Variants in NLGN4X observed in about 807,000 individuals in gnomAD.
The protein encoded by NLGN4X is neuroligin 4 X-linked.
Under a neutral mutation model 40.3 loss-of-function variants are expected in NLGN4X, and 3 were observed. That is an observed-to-expected ratio of 0.07 (90% CI 0.03 to 0.19). The LOEUF is 0.19. Ranked by LOEUF, NLGN4X falls within the 10% of genes least tolerant of loss-of-function variation. The probability of loss-of-function intolerance (pLI) is 1.00; values close to 1 mark genes in which losing one functional copy is unlikely to be tolerated. For missense variants in NLGN4X, 382 were observed against 708.3 expected, an observed-to-expected ratio of 0.54 and a Z score of 5.23; for synonymous variants, 270 against 306.8, an observed-to-expected ratio of 0.88 and a Z score of 1.25.
intron 1 of NLGN4X, among the ~76,000 whole-genome samples, chrX:6,192,157 G>T (rs1177714762): frequency 9.0e-6 from 1 of 110,855 alleles, no homozygotes. Flanking sequence ...TTGAGACAGG[G>T]TCTTGCTCGT....
chrX:6,213,182 G>A (rs1167473438), intron 1 of NLGN4X, among the ~76,000 whole-genome samples: 2 of 110,740 alleles, frequency 1.8e-5, no homozygotes, highest in Non-Finnish European at 3.8e-5. Flanking sequence ...CTGGACAGTA[G>A]TCACCGTTGC....
At chrX:6,063,571 T>C (rs984922791) in intron 2 of NLGN4X, among the ~76,000 whole-genome samples, 2 of 112,139 alleles carry the variant, frequency 1.8e-5, no homozygotes, top group Admixed American at 1.9e-4. Context: ...TTTTATTTAT[T>C]TTGTACATGG....
rs186780488 is a variant in NLGN4X at position 6,075,799 on chromosome X, C to A, written c.473-46367G>T. ...GAGTGGAAGCTTCCTGACACCCTCA[C>A]CAGAAGCAGATCCTGATGCCGTGAT... is the stretch of plus-strand genomic sequence containing the variant. On this transcript the variant is annotated intron_variant, in intron 2 of 5. Coordinates refer to ENST00000381095, the MANE Select transcript of NLGN4X (RefSeq NM_181332.3). 8.5e-4 allele frequency among the ~76,000 whole-genome samples: 95 copies of A among 111,732 alleles called. 2 individuals are homozygous for A. In the East Asian group the frequency reaches 0.021, roughly 25 times the overall value.
At position 5,890,944 on chromosome X, in the gene NLGN4X, A is replaced by G. The variant is rs962379980; in HGVS notation, c.*1873T>C. The G allele has an allele frequency of 3.2e-6, 1 of 314,264 alleles. No individual in the cohort carries two copies. Among genetic ancestry groups the G allele is most frequent in the African/African-American group, 2.7e-5 (1 of 37,023 alleles). 25.9% of individuals were successfully genotyped at this position (314,264 alleles called of 1,213,427 possible). ...TTGCAAAAGAGCCAGGCAGCTGGAC[A>G]ATTTTTATGGGGAATGTCCACTTTA... On this transcript the variant is annotated 3_prime_UTR_variant, in exon 6 of 6. Coordinates refer to ENST00000381095, the MANE Select transcript of NLGN4X (RefSeq NM_181332.3).
At chrX:6,105,158 T>A (rs1456433338) in intron 2 of NLGN4X, among the ~76,000 whole-genome samples, 5 of 109,498 alleles carry the variant, frequency 4.6e-5, no homozygotes, top group African/African-American at 6.7e-5. Flanking sequence ...CCTTTCAGGG[T>A]CAAGCCATTC....
intron 3 of NLGN4X, among the ~76,000 whole-genome samples, chrX:5,942,566 A>G (rs1241226720): frequency 9.0e-6 from 1 of 110,649 alleles, no homozygotes; most frequent in Non-Finnish European, 1.9e-5. Flanking sequence ...CTGTAGTCTC[A>G]GCTACTCGGG....
chrX:6,154,514 A>G (rs948830377), intron 1 of NLGN4X, among the ~76,000 whole-genome samples: 1 of 111,063 alleles, frequency 9.0e-6, no homozygotes, highest in Non-Finnish European at 1.9e-5. Flanking sequence ...TTGTGGGGAA[A>G]AAAAAAAACA....
chrX:6,175,655 G>GAAAAAA (rs3045369), intron 1 of NLGN4X, among the ~76,000 whole-genome samples: 10,445 of 60,704 alleles, frequency 0.17, 1,275 homozygotes, highest in Non-Finnish European at 0.19. Context: ...ATCTATTACA[G>GAAAAAA]AAAAAAAAAA....
intron 1 of NLGN4X, among the ~76,000 whole-genome samples, chrX:6,221,903 G>A (rs945250158): frequency 5.4e-5 from 6 of 111,167 alleles, no homozygotes; most frequent in African/African-American, 2.0e-4. Flanking sequence ...ATGGAAAATG[G>A]CACCGCATGC....
intron 3 of NLGN4X, among the ~76,000 whole-genome samples, chrX:5,965,035 G>A (rs779718978): frequency 4.5e-5 from 5 of 111,750 alleles, no homozygotes; most frequent in Admixed American, 1.9e-4. Flanking sequence ...GAAATGATAC[G>A]CAACTGTCTT....
In NLGN4X at chrX:6,077,267, ATT is replaced by A. The variant is rs201749652; in HGVS notation, c.473-47837_473-47836del. 2.1e-3 allele frequency among the ~76,000 whole-genome samples: 169 copies of A among 82,357 alleles called. 1 individual carries two copies. Among genetic ancestry groups the A allele is most frequent in the Non-Finnish European group, 2.4e-3 (89 of 36,659 alleles). 71.5% of individuals were successfully genotyped at this position (82,357 alleles called of 115,157 possible). A position where few individuals can be genotyped will look rare whatever the true frequency, so the allele number is the denominator to read the frequency against. ...CAATGTTATTACATTCCAAAATTTT[ATT>A]TTGTGTGTGTGTGTGTGTGTGTGTG... is the stretch of plus-strand genomic sequence containing the variant. On this transcript the variant is annotated intron_variant, in intron 2 of 5. Coordinates refer to ENST00000381095, the MANE Select transcript of NLGN4X (RefSeq NM_181332.3).
At chrX:6,008,492 C>T (rs1340327293) in intron 3 of NLGN4X, among the ~76,000 whole-genome samples, 6 of 111,523 alleles carry the variant, frequency 5.4e-5, no homozygotes, top group African/African-American at 2.0e-4. Flanking sequence ...TATGATTTCA[C>T]TTATATGAAA....
rs768113452 is a variant in NLGN4X, at chrX:5,893,276, G to A, written c.1992C>T (p.Leu664=). The A allele has an allele frequency of 2.1e-5, 25 of 1,208,729 alleles. No individual in the cohort carries two copies. The highest frequency in any genetic ancestry group is 6.7e-6 in the Non-Finnish European group (6 of 894,983). The stretch of plus-strand genomic sequence containing the variant: ...TGGAATAATCTCGTTTGGTTTCAAT[G>A]AGGACAGTTGTGTCCTCAGGCCCTG... The part of the protein sequence containing the change: ...HKTGPEDTTV[L]IETKRDYSTE... The change falls in exon 6 of 6, where the codon CTC becomes CTT. Residue 664 remains leucine (L), a synonymous_variant. Coordinates refer to ENST00000381095, the MANE Select transcript of NLGN4X (RefSeq NM_181332.3).
At position 6,030,392 on chromosome X, in the gene NLGN4X, A is replaced by ATTGTGTGTGTGTGTGTGTGTGTGTGTG. The variant is rs56353701; in HGVS notation, c.473-961_473-960insCACACACACACACACACACACACACAA. Among the ~76,000 whole-genome samples, 476 of 68,270 alleles carry ATTGTGTGTGTGTGTGTGTGTGTGTGTG rather than the reference A, an allele frequency of 7.0e-3. 8 individuals are homozygous for ATTGTGTGTGTGTGTGTGTGTGTGTGTG. The highest frequency in any genetic ancestry group is 0.029 in the East Asian group (75 of 2,574). 59.3% of individuals were successfully genotyped at this position (68,270 alleles called of 115,157 possible). A position where few individuals can be genotyped will look rare whatever the true frequency, so the allele number is the denominator to read the frequency against. On this transcript the variant is annotated intron_variant, in intron 2 of 5. Transcript: ENST00000381095. ...CACGTATAAATATTTCTGGATACAGATATGTGTGTGTGTGTGTGTGTGTGT... is the reference window on the plus strand; with the variant it reads ...CACGTATAAATATTTCTGGATACAGATTGTGTGTGTGTGTGTGTGTGTGTGTGTATGTGTGTGTGTGTGTGTGTGTGT...
chrX:6,130,253 T>C (rs1320587955), intron 2 of NLGN4X, among the ~76,000 whole-genome samples: 1 of 111,504 alleles, frequency 9.0e-6, no homozygotes, highest in East Asian at 2.8e-4. Context: ...TGATTGGATT[T>C]TCCCTCACTC....
chrX:5,998,010 C>A (rs1339812285), intron 3 of NLGN4X, among the ~76,000 whole-genome samples: 2 of 111,738 alleles, frequency 1.8e-5, no homozygotes, highest in Admixed American at 1.9e-4. Context: ...CTGCCTTAGT[C>A]TAACTTTGCT....
chrX:5,949,058 T>A (rs1184458338), intron 3 of NLGN4X, among the ~76,000 whole-genome samples: 1 of 111,622 alleles, frequency 9.0e-6, no homozygotes, highest in East Asian at 2.8e-4. Flanking sequence ...TGAGGGTCAG[T>A]ACTCCAAGTG....
intron 3 of NLGN4X, among the ~76,000 whole-genome samples, chrX:5,956,965 C>CTGTGTGTGTG (rs564463682): frequency 2.8e-5 from 3 of 106,681 alleles, no homozygotes; most frequent in Non-Finnish European, 5.8e-5. Flanking sequence ...TGTGTGGTGT[C>CTGTGTGTGTG]TGTGTGTGTG....
At chrX:6,009,372 A>G (rs1325187800) in intron 3 of NLGN4X, among the ~76,000 whole-genome samples, 1 of 112,078 alleles carries the variant, frequency 8.9e-6, no homozygotes, top group Admixed American at 9.5e-5. Flanking sequence ...ACCATCTTAC[A>G]TTCCCACCAG....
Sources: gnomAD v4.1 joint callset for allele counts (sites outside exome capture counted in the v4.1 genomes callset) on GRCh38, gnomAD v4.1.1 for gene constraint, MANE v1.5 for transcripts, NCBI Gene and HGNC (gene_info 2026-07-23, HGNC 2026-07-21) for gene names.